The following PRIM2 variants were observed in gnomAD, a reference collection of about 807,000 sequenced individuals.
PRIM2 encodes the protein DNA primase subunit 2, also known as DNA primase large subunit.
PRIM2 carries 39 observed loss-of-function variants against 67.3 expected under a neutral mutation model. The observed-to-expected ratio is 0.58, with a 90% CI of 0.45 to 0.76. The LOEUF (loss-of-function observed/expected upper bound fraction) is 0.76. Among genes scored for constraint, PRIM2 ranks in the 30% least tolerant of loss-of-function variants. The pLI, the probability that PRIM2 is intolerant of heterozygous loss-of-function variation, is 0.00. For synonymous variants in PRIM2, 143 were observed against 198.7 expected (o/e 0.72, Z 2.36); for missense variants, 398 against 598.7 (o/e 0.66, Z 3.50).
chr6:57,352,834 GA>G (rs35612850), intron 5 of PRIM2, among the ~76,000 whole-genome samples: 6 of 151,270 alleles, frequency 4.0e-5, no homozygotes, highest in Non-Finnish European at 7.4e-5. Flanking sequence ...TGTAGAAGGG[GA>G]AAAAAAATAG....
intron 7 of PRIM2, among the ~76,000 whole-genome samples, chr6:57,453,999 G>T (rs1217377028): frequency 2.0e-5 from 3 of 152,120 alleles, no homozygotes; most frequent in Non-Finnish European, 4.4e-5. Flanking sequence ...AGCATGAAGG[G>T]TTGTCGAATT....
intron 7 of PRIM2, among the ~76,000 whole-genome samples, chr6:57,426,661 C>T (rs1353277478): frequency 3.3e-5 from 5 of 152,154 alleles, no homozygotes; most frequent in Admixed American, 6.5e-5. Context: ...TTTGCATTGC[C>T]GTTGAGGGGT....
chr6:57,375,263 G>C (rs1197014959), intron 5 of PRIM2, among the ~76,000 whole-genome samples: 1 of 152,186 alleles, frequency 6.6e-6, no homozygotes, highest in Non-Finnish European at 1.5e-5. Context: ...TTTATTGAGA[G>C]TTTTTAACAT....
At chr6:57,483,499 T>C (rs1773678075) in intron 7 of PRIM2, among the ~76,000 whole-genome samples, 1 of 152,066 alleles carries the variant, frequency 6.6e-6, no homozygotes, top group Non-Finnish European at 1.5e-5. Context: ...AGATACATAG[T>C]TTATAAAAAA....
At chr6:57,252,038 T>C in the PRIM2 span, among the ~76,000 whole-genome samples, 1 of 152,234 alleles carries the variant, frequency 6.6e-6, no homozygotes, top group South Asian at 2.1e-4. Flanking sequence ...ACTCCATATC[T>C]TGCCCCATTG....
At chr6:57,279,616 G>A in the PRIM2 span, among the ~76,000 whole-genome samples, 1 of 152,106 alleles carries the variant, frequency 6.6e-6, no homozygotes, top group African/African-American at 2.4e-5. Context: ...TGGTGATGGC[G>A]GCGCTACAGG....
intron 7 of PRIM2, among the ~76,000 whole-genome samples, chr6:57,485,066 G>A (rs1274836774): frequency 6.6e-6 from 1 of 152,156 alleles, no homozygotes; most frequent in Non-Finnish European, 1.5e-5. Flanking sequence ...GACAAGTTAC[G>A]ATGGAGCCAT....
chr6:57,393,131 C>A (rs1186636872), intron 7 of PRIM2, among the ~76,000 whole-genome samples: 1 of 149,040 alleles, frequency 6.7e-6, no homozygotes, highest in Non-Finnish European at 1.5e-5. Flanking sequence ...TGTGCAAATA[C>A]CTTTTTCGAA....
At chr6:57,461,164 T>C (rs1214740736) in intron 7 of PRIM2, among the ~76,000 whole-genome samples, 1 of 152,146 alleles carries the variant, frequency 6.6e-6, no homozygotes, top group Non-Finnish European at 1.5e-5. Context: ...GGGGAAGAAA[T>C]GGGCAGTCGT....
At position 57,527,468 on chromosome 6, in the gene PRIM2, C is replaced by T. The variant is rs1405350870; in HGVS notation, c.762-4943C>T. Among the ~76,000 whole-genome samples, 6 of 152,296 alleles carry T rather than the reference C, an allele frequency of 3.9e-5. No homozygotes were observed. In the East Asian group the frequency reaches 7.7e-4, roughly 20 times the overall value. The stretch of plus-strand genomic sequence containing the variant: ...CCATCTATTGCCTTCCTTTCTCCAT[C>T]GTTACCACTACTTTACTCAGGCTCT... On this transcript the variant is annotated intron_variant, in intron 8 of 13. Transcript: ENST00000615550.
chr6:57,608,643 G>T (rs1298061794), intron 12 of PRIM2, among the ~76,000 whole-genome samples: 1 of 150,478 alleles, frequency 6.6e-6, no homozygotes, highest in Admixed American at 6.6e-5. Flanking sequence ...AGCCCAAGAA[G>T]TTGAGGCTCC....
intron 10 of PRIM2, among the ~76,000 whole-genome samples, chr6:57,582,719 A>G (rs1378042114): frequency 6.6e-6 from 1 of 151,942 alleles, no homozygotes; most frequent in Non-Finnish European, 1.5e-5. Context: ...TGAATGGATA[A>G]CTGATAGTTG....
chr6:57,307,998 T>A, the PRIM2 span, among the ~76,000 whole-genome samples: 1 of 152,226 alleles, frequency 6.6e-6, no homozygotes, highest in Non-Finnish European at 1.5e-5. Context: ...GCTTTTTTAG[T>A]TAACATTATA....
chr6:57,469,099 C>T (rs1264573773), intron 7 of PRIM2, among the ~76,000 whole-genome samples: 5 of 152,116 alleles, frequency 3.3e-5, no homozygotes, highest in Admixed American at 6.5e-5. Context: ...TTATCATCAC[C>T]GTTGTGATTA....
At chr6:57,330,631 A>G (rs544602370) in intron 5 of PRIM2, among the ~76,000 whole-genome samples, 4 of 151,908 alleles carry the variant, frequency 2.6e-5, no homozygotes, top group East Asian at 3.9e-4. Context: ...TTTTTGCCCA[A>G]TTGTCCAGCT....
At chr6:57,437,715 G>A (rs1456541757) in intron 7 of PRIM2, among the ~76,000 whole-genome samples, 5 of 148,294 alleles carry the variant, frequency 3.4e-5, no homozygotes, top group African/African-American at 5.0e-5. Context: ...ATTCAGGCTG[G>A]AGTGCAAAGG....
At chr6:57,370,117 A>G (rs1769493594) in intron 5 of PRIM2, among the ~76,000 whole-genome samples, 1 of 152,214 alleles carries the variant, frequency 6.6e-6, no homozygotes, top group Non-Finnish European at 1.5e-5. Flanking sequence ...TTTGAAAACT[A>G]TTCTCTCTAC....
At chr6:57,327,806 C>T (rs1767916860) in intron 5 of PRIM2, among the ~76,000 whole-genome samples, 2 of 152,124 alleles carry the variant, frequency 1.3e-5, no homozygotes, top group East Asian at 1.9e-4. Flanking sequence ...CTAGGGCAGC[C>T]ATCTCCAACC....
intron 5 of PRIM2, among the ~76,000 whole-genome samples, chr6:57,357,503 GTCTAAT>G (rs1769068412): frequency 1.3e-5 from 2 of 151,310 alleles, no homozygotes; most frequent in South Asian, 4.2e-4. Context: ...CCTACATTTC[GTCTAAT>G]TCTGACTCAT....
Sources: allele counts gnomAD v4.1 joint callset (sites outside exome capture counted in the v4.1 genomes callset), GRCh38; gene constraint gnomAD v4.1.1; transcripts MANE v1.5; gene names NCBI Gene and HGNC (gene_info 2026-07-23, HGNC 2026-07-21).